Variants in KIF16B observed in about 807,000 individuals in gnomAD.
KIF16B encodes the protein kinesin-like protein KIF16B.
KIF16B carries 98 observed loss-of-function variants against 156.3 expected under a neutral mutation model. The ratio of observed to expected loss-of-function variants is 0.63; its 90% CI spans 0.53 to 0.74. The LOEUF (loss-of-function observed/expected upper bound fraction) is 0.74. Ranked by LOEUF, KIF16B falls within the 30% of genes least tolerant of loss-of-function variation. The pLI, the probability that KIF16B is intolerant of heterozygous loss-of-function variation, is 0.00. For missense variants in KIF16B, 1,421 were observed against 1,606.5 expected (o/e 0.88, Z 1.97); for synonymous variants, 564 against 583.7 (o/e 0.97, Z 0.49).
intron 23 of KIF16B, among the ~76,000 whole-genome samples, chr20:16,346,529 C>T (rs928305118): frequency 1.3e-5 from 2 of 152,158 alleles, no homozygotes; most frequent in Admixed American, 6.5e-5. Flanking sequence ...CACTCACACT[C>T]GAGGCAGCTA....
chr20:16,292,463 T>C (rs1287830689), intron 25 of KIF16B, among the ~76,000 whole-genome samples: 1 of 152,136 alleles, frequency 6.6e-6, no homozygotes, highest in Non-Finnish European at 1.5e-5. Context: ...AGATGCAGTT[T>C]ACACGGGCAA....
At chr20:16,315,337 A>T (rs1371271387) in intron 24 of KIF16B, among the ~76,000 whole-genome samples, 1 of 152,162 alleles carries the variant, frequency 6.6e-6, no homozygotes, top group East Asian at 1.9e-4. Context: ...ATGATACTCA[A>T]CTAACTGTCT....
At chr20:16,288,291 A>G (rs577743868) in intron 25 of KIF16B, among the ~76,000 whole-genome samples, 12 of 152,282 alleles carry the variant, frequency 7.9e-5, no homozygotes, top group Non-Finnish European at 1.6e-4. Flanking sequence ...TGATTATAGT[A>G]TTTTCTTTTT....
chr20:16,440,180 G>A (rs528091975), intron 12 of KIF16B, among the ~76,000 whole-genome samples: 40 of 152,244 alleles, frequency 2.6e-4, no homozygotes, highest in African/African-American at 9.6e-4. Context: ...GAGAGGTCAG[G>A]ATGGGGTCAG....
chr20:16,387,919 C>T (rs895439509), intron 17 of KIF16B, among the ~76,000 whole-genome samples: 12 of 152,152 alleles, frequency 7.9e-5, no homozygotes, highest in African/African-American at 2.7e-4. Flanking sequence ...CAAGATCAGG[C>T]GCTTGAGGCT....
chr20:16,274,267 C>T (rs1314931043), intron 25 of KIF16B, among the ~76,000 whole-genome samples: 3 of 152,086 alleles, frequency 2.0e-5, no homozygotes, highest in Non-Finnish European at 4.4e-5. Flanking sequence ...GTCCTATAAT[C>T]ATCAACAAAA....
intron 12 of KIF16B, among the ~76,000 whole-genome samples, chr20:16,491,588 C>T (rs1259946397): frequency 3.3e-5 from 5 of 152,162 alleles, no homozygotes; most frequent in East Asian, 3.9e-4. Flanking sequence ...GGTTGCCATC[C>T]GCTGTGATTT....
intron 21 of KIF16B, among the ~76,000 whole-genome samples, chr20:16,371,139 C>A (rs998336742): frequency 6.6e-6 from 1 of 152,152 alleles, no homozygotes; most frequent in African/African-American, 2.4e-5. Context: ...TAAAGTTACT[C>A]CTGAATTCCT....
chr20:16,497,732 G>A lies in KIF16B; in HGVS notation c.1177-54C>T. On this transcript the variant is annotated intron_variant, in intron 10 of 25. Coordinates refer to ENST00000354981, the MANE Select transcript of KIF16B (RefSeq NM_024704.5). Reference sequence around the variant, plus strand: ...CAATTAATAAACAGCAATAATCTAGGTTTTTCCCTGAATATAGTAAATTAT... The same window carrying A: ...CAATTAATAAACAGCAATAATCTAGATTTTTCCCTGAATATAGTAAATTAT... 3 of 1,287,790 alleles carry A rather than the reference G, an allele frequency of 2.3e-6. No homozygotes were observed. The South Asian group carries it at 3.7e-5, about 16-fold the overall frequency. The allele number at this position is 1,287,790 out of a possible 1,614,324, so 79.8% of individuals were successfully genotyped here.
intron 17 of KIF16B, among the ~76,000 whole-genome samples, chr20:16,399,010 G>T (rs1226413861): frequency 6.6e-6 from 1 of 152,166 alleles, no homozygotes; most frequent in African/African-American, 2.4e-5. Flanking sequence ...CCCTAGTTTG[G>T]CCTAAGAGGG....
intron 22 of KIF16B, among the ~76,000 whole-genome samples, chr20:16,363,167 C>T (rs1039517955): frequency 1.3e-5 from 2 of 152,146 alleles, no homozygotes; most frequent in African/African-American, 4.8e-5. Flanking sequence ...TTACAAAATA[C>T]ACTTGTTTTA....
intron 12 of KIF16B, among the ~76,000 whole-genome samples, chr20:16,487,228 G>C (rs529509354): frequency 7.0e-4 from 106 of 151,900 alleles, no homozygotes; most frequent in Middle Eastern, 3.4e-3. Context: ...CTCCAGCCTG[G>C]GTGACAGATC....
chr20:16,458,818 A>G (rs1369452579), intron 12 of KIF16B, among the ~76,000 whole-genome samples: 1 of 151,984 alleles, frequency 6.6e-6, no homozygotes, highest in Non-Finnish European at 1.5e-5. Flanking sequence ...GCCACTCTGC[A>G]AGAAAGCCAA....
intron 1 of KIF16B, among the ~76,000 whole-genome samples, chr20:16,541,475 C>T (rs138554021): frequency 1.9e-3 from 293 of 152,314 alleles, no homozygotes; most frequent in African/African-American, 4.2e-3. Context: ...CCAAGGACAA[C>T]GATGCTATCA....
At chr20:16,541,697 C>A (rs940006912) in intron 1 of KIF16B, among the ~76,000 whole-genome samples, 1 of 152,144 alleles carries the variant, frequency 6.6e-6, no homozygotes, top group Non-Finnish European at 1.5e-5. Context: ...GCAGGGTGTT[C>A]ATTAAGTTAT....
At chr20:16,498,573 T>C (rs1389138924) in intron 10 of KIF16B, among the ~76,000 whole-genome samples, 3 of 152,066 alleles carry the variant, frequency 2.0e-5, no homozygotes, top group Non-Finnish European at 4.4e-5. Context: ...TTAGAGAAAA[T>C]TCAGTAAAAA....
rs758672557 is a variant in KIF16B at position 16,379,088 on chromosome 20, T to C, written c.2914A>G (p.Thr972Ala). 3.7e-5 allele frequency: 59 copies of C among 1,611,906 alleles called. No homozygotes were observed. In the South Asian group the frequency reaches 6.3e-4, roughly 17 times the overall value. The change falls in exon 19 of 26, where the codon ACC becomes GCC. Residue 972 changes from threonine (T) to alanine (A), a missense_variant. By Grantham distance (58) the Thr-to-Ala change is moderately conservative. Transcript: ENST00000354981. The stretch of plus-strand genomic sequence containing the variant: ...GCAATGTTGGCAGTGAATTCAAAGG[T>C]GGCTTGGAGCTTTTGCAGCTGGTTT... Reference protein sequence around the residue: ...NANQLQKLQATFEFTANIARQ... With the variant: ...NANQLQKLQAAFEFTANIARQ...
chr20:16,511,026 C>T (rs1475071612), intron 6 of KIF16B, among the ~76,000 whole-genome samples: 2 of 152,334 alleles, frequency 1.3e-5, no homozygotes, highest in Admixed American at 1.3e-4. Context: ...CCTCCAAACA[C>T]ACTTCCGAAG....
At chr20:16,491,802 TC>T (rs2068300598) in intron 12 of KIF16B, among the ~76,000 whole-genome samples, 1 of 152,010 alleles carries the variant, frequency 6.6e-6, no homozygotes, top group African/African-American at 2.4e-5. Flanking sequence ...GTCTTTCACT[TC>T]CCCTCCACCT....
Sources: gnomAD v4.1 joint callset for allele counts (sites outside exome capture counted in the v4.1 genomes callset) on GRCh38, gnomAD v4.1.1 for gene constraint, MANE v1.5 for transcripts, NCBI Gene and HGNC (gene_info 2026-07-23, HGNC 2026-07-21) for gene names.